The following OR11G2 variants were observed in gnomAD, a reference collection of about 807,000 sequenced individuals.
The protein encoded by OR11G2 is olfactory receptor family 11 subfamily G member 2, also known as olfactory receptor 11G2.
Under a neutral mutation model 0.9 loss-of-function variants are expected in OR11G2, and 2 were observed. The ratio of observed to expected loss-of-function variants is 2.35; its 90% CI spans 0.96 to 7.38. OR11G2 has a LOEUF of 7.38. Among genes scored for constraint, OR11G2 ranks in the 30% most tolerant of loss-of-function variants. The pLI, the probability that OR11G2 is intolerant of heterozygous loss-of-function variation, is 0.05. For missense variants in OR11G2, 395 were observed against 371.3 expected (o/e 1.06, Z -0.52); for synonymous variants, 153 against 142.0 (o/e 1.08, Z -0.55).
At position 20,198,661 on chromosome 14, in the gene OR11G2, G is replaced by A. The variant is rs918269229; in HGVS notation, c.*288G>A. 3 of 183,242 alleles carry A rather than the reference G, an allele frequency of 1.6e-5. No individual in the cohort carries two copies. Among genetic ancestry groups the A allele is most frequent in the East Asian group, 1.3e-4 (1 of 7,468 alleles). The allele number at this position is 183,242 out of a possible 1,614,324, so 11.4% of individuals were successfully genotyped here. A position where few individuals can be genotyped will look rare whatever the true frequency, so the allele number is the denominator to read the frequency against. On this transcript the variant is annotated 3_prime_UTR_variant, in exon 2 of 2. Transcript: ENST00000641879. The stretch of plus-strand genomic sequence containing the variant: ...GGAGAATGGCGTGAACCCGGGAGGC[G>A]GAGCTTGCAGTGAGCCGAGATCGCG...
At position 20,197,890 on chromosome 14, in the gene OR11G2, T is replaced by C. The variant is rs1566354002; in HGVS notation, c.453T>C (p.Asn151=). The change falls in exon 2 of 2, where the codon AAT becomes AAC. Residue 151 remains asparagine, a synonymous_variant. Coordinates refer to ENST00000641879, the MANE Select transcript of OR11G2 (RefSeq NM_001386033.1). ...GTCTCTGTACCAATCTTGTGGTCAATTGCTGGGTACTTGGTTTCATCTGGT... is the reference window on the plus strand; with the variant it reads ...GTCTCTGTACCAATCTTGTGGTCAACTGCTGGGTACTTGGTTTCATCTGGT... ...TRRLCTNLVV[N]CWVLGFIWFL... 6.2e-7 allele frequency: 1 copy of C among 1,614,134 alleles called. No homozygotes were observed. The highest frequency in any genetic ancestry group is 8.5e-7 in the Non-Finnish European group (1 of 1,179,980).
chr14:20,193,266 T>C (rs1266629407), intron 1 of OR11G2, among the ~76,000 whole-genome samples: 1 of 152,090 alleles, frequency 6.6e-6, no homozygotes, highest in Non-Finnish European at 1.5e-5. Flanking sequence ...TTACAGGTGG[T>C]GCGTGCCTCC....
intron 1 of OR11G2, among the ~76,000 whole-genome samples, chr14:20,192,029 A>G (rs1265655779): frequency 6.6e-6 from 1 of 151,924 alleles, no homozygotes; most frequent in Non-Finnish European, 1.5e-5. Flanking sequence ...AGTAGCTGAG[A>G]TTACTGGCAC....
At chr14:20,195,296 T>A (rs962810309) in intron 1 of OR11G2, among the ~76,000 whole-genome samples, 3 of 152,166 alleles carry the variant, frequency 2.0e-5, no homozygotes, top group Admixed American at 1.3e-4. Flanking sequence ...TCCCAGCACT[T>A]TGGGAGGTCG....
Position 20,198,439 on chromosome 14 carries a change from C to T in OR11G2, c.*66C>T. ...TTAATTTTGGGGTTTAAAAAAAAAACTGGTCTTGGCCAGGCGCGGTGGCTT... is the reference window on the plus strand; with the variant it reads ...TTAATTTTGGGGTTTAAAAAAAAAATTGGTCTTGGCCAGGCGCGGTGGCTT... On this transcript the variant is annotated 3_prime_UTR_variant, in exon 2 of 2. Coordinates refer to ENST00000641879, the MANE Select transcript of OR11G2 (RefSeq NM_001386033.1). 4.1e-6 allele frequency: 5 copies of T among 1,231,362 alleles called. No homozygotes were observed. The highest frequency in any genetic ancestry group is 5.7e-6 in the Non-Finnish European group (5 of 880,752). The allele number at this position is 1,231,362 out of a possible 1,614,324, so 76.3% of individuals were successfully genotyped here.
At chr14:20,192,574 A>G (rs1253060858) in intron 1 of OR11G2, among the ~76,000 whole-genome samples, 1 of 152,174 alleles carries the variant, frequency 6.6e-6, no homozygotes, top group African/African-American at 2.4e-5. Flanking sequence ...ATTCCTCTCA[A>G]GTCTAGGACA....
intron 1 of OR11G2, among the ~76,000 whole-genome samples, chr14:20,196,700 G>A (rs1277058121): frequency 6.6e-6 from 1 of 152,134 alleles, no homozygotes; most frequent in Non-Finnish European, 1.5e-5. Flanking sequence ...CTATAGTCTA[G>A]GCAAATTTAT....
At chr14:20,196,146 C>G (rs1380656745) in intron 1 of OR11G2, among the ~76,000 whole-genome samples, 1 of 152,182 alleles carries the variant, frequency 6.6e-6, no homozygotes, top group Non-Finnish European at 1.5e-5. Flanking sequence ...GTAATTTTAC[C>G]TCGTCCTCCC....
In OR11G2 at chr14:20,200,586, T is replaced by G. The variant is rs539913484; in HGVS notation, c.*2213T>G. ...GCGTATCAGCTTTACAAACTCTATATAGGGTGACAAGGCAACCTCTATCAA... is the reference window on the plus strand; with the variant it reads ...GCGTATCAGCTTTACAAACTCTATAGAGGGTGACAAGGCAACCTCTATCAA... On this transcript the variant is annotated 3_prime_UTR_variant, in exon 2 of 2. Coordinates refer to ENST00000641879, the MANE Select transcript of OR11G2 (RefSeq NM_001386033.1). 1.3e-5 allele frequency: 2 copies of G among 152,328 alleles called. No homozygotes were observed. The highest frequency in any genetic ancestry group is 2.1e-4 in the South Asian group (1 of 4,826). The allele number at this position is 152,328 out of a possible 1,614,324, so 9.4% of individuals were successfully genotyped here. A position where few individuals can be genotyped will look rare whatever the true frequency, so the allele number is the denominator to read the frequency against.
intron 1 of OR11G2, among the ~76,000 whole-genome samples, chr14:20,195,670 G>A (rs1270575408): frequency 6.6e-6 from 1 of 152,170 alleles, no homozygotes; most frequent in Admixed American, 6.5e-5. Flanking sequence ...ATGTCAACTT[G>A]CTGCCGGCAT....
At position 20,199,219 on chromosome 14, in the gene OR11G2, C is replaced by T. The variant is rs74895123; in HGVS notation, c.*846C>T. 2 of 152,214 alleles carry T rather than the reference C, an allele frequency of 1.3e-5. No homozygotes were observed. The highest frequency in any genetic ancestry group is 1.9e-4 in the East Asian group (1 of 5,200). 9.4% of individuals were successfully genotyped at this position (152,214 alleles called of 1,614,324 possible). Reference sequence around the variant, plus strand: ...CTCTTTAGACTCTCAGCTTTTGTTTCTGCTAGCTATTTTGGGGTCTCACCG... The same window carrying T: ...CTCTTTAGACTCTCAGCTTTTGTTTTTGCTAGCTATTTTGGGGTCTCACCG... On this transcript the variant is annotated 3_prime_UTR_variant, in exon 2 of 2. Coordinates refer to ENST00000641879, the MANE Select transcript of OR11G2 (RefSeq NM_001386033.1).
Position 20,197,937 on chromosome 14 carries a change from T to C in OR11G2, c.500T>C (p.Ile167Thr), listed in dbSNP as rs1247756124. The C allele has an allele frequency of 6.2e-7, 1 of 1,614,074 alleles. No individual in the cohort carries two copies. Among genetic ancestry groups the C allele is most frequent in the Admixed American group, 1.7e-5 (1 of 60,022 alleles). ...TGGTTCTTGATTCCTATCGTCAACA[T>C]CTCCCAAATGTCCTTCTGTGGATCT... ...FIWFLIPIVNISQMSFCGSRI... is the reference protein window; with the variant it reads ...FIWFLIPIVNTSQMSFCGSRI... Residue 167 changes from isoleucine to threonine, a missense_variant, in exon 2 of 2, where the codon ATC (isoleucine) becomes ACC (threonine). Transcript: ENST00000641879.
rs113709506 is a variant in OR11G2, at chr14:20,198,677, C to G, written c.*304C>G. ...CCGGGAGGCGGAGCTTGCAGTGAGC[C>G]GAGATCGCGCCACTGCACTCAAGCC... On this transcript the variant is annotated 3_prime_UTR_variant, in exon 2 of 2. Coordinates refer to ENST00000641879, the MANE Select transcript of OR11G2 (RefSeq NM_001386033.1). The G allele has an allele frequency of 5.9e-6, 1 of 169,878 alleles. No homozygotes were observed. The highest frequency in any genetic ancestry group is 1.3e-5 in the Non-Finnish European group (1 of 79,086). The allele number at this position is 169,878 out of a possible 1,614,324, so 10.5% of individuals were successfully genotyped here.
Position 20,199,344 on chromosome 14 carries a change from C to T in OR11G2, c.*971C>T, listed in dbSNP as rs76319326. 0.02 allele frequency: 3,006 copies of T among 152,336 alleles called. 47 individuals carry two copies. Among genetic ancestry groups the T allele is most frequent in the Non-Finnish European group, 0.027 (1,860 of 68,058 alleles). 9.4% of individuals were successfully genotyped at this position (152,336 alleles called of 1,614,324 possible). A position where few individuals can be genotyped will look rare whatever the true frequency, so the allele number is the denominator to read the frequency against. On this transcript the variant is annotated 3_prime_UTR_variant, in exon 2 of 2. Coordinates refer to ENST00000641879, the MANE Select transcript of OR11G2 (RefSeq NM_001386033.1). ...CCTTCCCTCTCCAGGATTTCTCAAA[C>T]GCCAGGTGCTTTGGCAACTTTCAAA...
rs1378163603 is a variant in OR11G2 at position 20,191,676 on chromosome 14, A to C, written c.-5+10A>C. ...AGCTAGGTAATAAAAGGTGAGTAAC[A>C]TTACACTCTTGTTAGAAATATCTTT... is the stretch of plus-strand genomic sequence containing the variant. On this transcript the variant is annotated intron_variant, in intron 1 of 1. Coordinates refer to ENST00000641879, the MANE Select transcript of OR11G2 (RefSeq NM_001386033.1). 1.3e-5 allele frequency: 2 copies of C among 152,222 alleles called. No homozygotes were observed. The highest frequency in any genetic ancestry group is 2.9e-5 in the Non-Finnish European group (2 of 68,054). The allele number at this position is 152,222 out of a possible 1,614,324, so 9.4% of individuals were successfully genotyped here.
At position 20,197,694 on chromosome 14, in the gene OR11G2, T is replaced by C; in HGVS notation, c.257T>C (p.Leu86Pro). The change falls in exon 2 of 2, where the codon CTG (leucine) becomes CCG (proline). Residue 86 changes from leucine (L) to proline (P), a missense_variant. By Grantham distance (98) the Leu-to-Pro change is moderately conservative (BLOSUM62 -3). Coordinates refer to ENST00000641879, the MANE Select transcript of OR11G2 (RefSeq NM_001386033.1). The part of the protein sequence containing the change: ...CYVTSTVPSM[L>P]ANFLSDTKII... The stretch of plus-strand genomic sequence containing the variant: ...GTCACCTCCACAGTCCCCAGCATGC[T>C]GGCCAACTTCCTCTCTGACACCAAG... The C allele has an allele frequency of 3.1e-6, 5 of 1,613,632 alleles. No individual in the cohort carries two copies. The highest frequency in any genetic ancestry group is 1.7e-4 in the Middle Eastern group (1 of 6,060).
In OR11G2 at chr14:20,201,023, C is replaced by G. The variant is rs1879892569; in HGVS notation, c.*2650C>G. 6.6e-6 allele frequency: 1 copy of G among 151,828 alleles called. No individual in the cohort carries two copies. 9.4% of individuals were successfully genotyped at this position (151,828 alleles called of 1,614,324 possible). A position where few individuals can be genotyped will look rare whatever the true frequency, so the allele number is the denominator to read the frequency against. On this transcript the variant is annotated 3_prime_UTR_variant, in exon 2 of 2. Coordinates refer to ENST00000641879, the MANE Select transcript of OR11G2 (RefSeq NM_001386033.1). Reference sequence around the variant, plus strand: ...CTAAGGAACAAGATAGTAAAGGAGACTTTTTTTTCATAACTCCTTTTGTGC... The same window carrying G: ...CTAAGGAACAAGATAGTAAAGGAGAGTTTTTTTTCATAACTCCTTTTGTGC...
Position 20,200,110 on chromosome 14 carries a change from G to C in OR11G2, c.*1737G>C, listed in dbSNP as rs576407782. ...CCTGTTTTTCAGGTTAAATAAATAG[G>C]AATTGGGAATCAGGGAGCAATTTGC... On this transcript the variant is annotated 3_prime_UTR_variant, in exon 2 of 2. Transcript: ENST00000641879. The C allele has an allele frequency of 4.4e-5, 6 of 135,548 alleles. No individual in the cohort carries two copies. Among genetic ancestry groups the C allele is most frequent in the Admixed American group, 2.4e-4 (3 of 12,522 alleles). 8.4% of individuals were successfully genotyped at this position (135,548 alleles called of 1,614,324 possible).
intron 1 of OR11G2, among the ~76,000 whole-genome samples, chr14:20,194,030 C>T (rs1240917297): frequency 6.6e-6 from 1 of 152,034 alleles, no homozygotes; most frequent in Non-Finnish European, 1.5e-5. Flanking sequence ...CTACTTTGTA[C>T]AACAGAGTGT....
Sources: gnomAD v4.1 joint callset for allele counts (sites outside exome capture counted in the v4.1 genomes callset) on GRCh38, gnomAD v4.1.1 for gene constraint, MANE v1.5 for transcripts, NCBI Gene and HGNC (gene_info 2026-07-23, HGNC 2026-07-21) for gene names.